The following SNX30 variants were observed in gnomAD, a reference collection of about 807,000 sequenced individuals.
SNX30 encodes the protein sorting nexin family member 30.
In SNX30, 24 loss-of-function variants were observed where a neutral mutation model predicts 46.4. The observed-to-expected ratio is 0.52, with a 90% confidence interval of 0.37 to 0.73. The LOEUF (loss-of-function observed/expected upper bound fraction) is 0.73. Among genes scored for constraint, SNX30 ranks in the 30% least tolerant of loss-of-function variants. The pLI, the probability that SNX30 is intolerant of heterozygous loss-of-function variation, is 0.00. For synonymous variants in SNX30, 189 were observed against 211.5 expected (o/e 0.89, Z 0.92); for missense variants, 533 against 555.7 (o/e 0.96, Z 0.41).
At chr9:112,756,624 C>T (rs1367815156) in intron 1 of SNX30, among the ~76,000 whole-genome samples, 2 of 151,940 alleles carry the variant, frequency 1.3e-5, no homozygotes, top group East Asian at 1.9e-4. Context: ...CCACGCCCAG[C>T]TAATTTTTGT....
At chr9:112,764,994 G>A (rs1334484008) in intron 1 of SNX30, among the ~76,000 whole-genome samples, 1 of 152,144 alleles carries the variant, frequency 6.6e-6, no homozygotes, top group African/African-American at 2.4e-5. Context: ...AAAAGGTCAG[G>A]GAGACCTGGC....
intron 4 of SNX30, among the ~76,000 whole-genome samples, chr9:112,832,214 A>G (rs1840670417): frequency 6.6e-6 from 1 of 151,894 alleles, no homozygotes; most frequent in Non-Finnish European, 1.5e-5. Flanking sequence ...TTTAAAACTA[A>G]GTATTTCCTG....
chr9:112,837,556 A>G (rs949978420), intron 5 of SNX30, among the ~76,000 whole-genome samples: 3 of 151,866 alleles, frequency 2.0e-5, no homozygotes, highest in Admixed American at 6.6e-5. Flanking sequence ...GCTCACTGCA[A>G]GCGCCGCCTC....
At chr9:112,751,837 TG>T (rs1335241989) in intron 1 of SNX30, among the ~76,000 whole-genome samples, 1 of 152,106 alleles carries the variant, frequency 6.6e-6, no homozygotes, top group African/African-American at 2.4e-5. Flanking sequence ...TGACCTTCTT[TG>T]TACGGAGGGA....
At chr9:112,851,398 C>T (rs926880540) in intron 7 of SNX30, among the ~76,000 whole-genome samples, 3 of 152,170 alleles carry the variant, frequency 2.0e-5, no homozygotes, top group East Asian at 1.9e-4. Context: ...TCAAGGCGAG[C>T]GTGTTAAACT....
At chr9:112,815,010 A>G (rs570682972) in intron 2 of SNX30, among the ~76,000 whole-genome samples, 66 of 152,374 alleles carry the variant, frequency 4.3e-4, no homozygotes, top group Admixed American at 9.1e-4. Flanking sequence ...GCTAAAAGAG[A>G]TACAGACAAT....
intron 3 of SNX30, among the ~76,000 whole-genome samples, chr9:112,825,648 C>A (rs1209673252): frequency 6.6e-6 from 1 of 151,746 alleles, no homozygotes; most frequent in Non-Finnish European, 1.5e-5. Context: ...GACATTCTAC[C>A]TGTAAGTCCA....
intron 1 of SNX30, among the ~76,000 whole-genome samples, chr9:112,782,192 G>A (rs11790110): frequency 0.017 from 2,608 of 151,948 alleles, 57 homozygotes; most frequent in East Asian, 0.12. Flanking sequence ...TCAGCCTCCC[G>A]AGTAGCTGGA....
At chr9:112,865,584 A>G (rs1841311707) in intron 8 of SNX30, among the ~76,000 whole-genome samples, 1 of 145,320 alleles carries the variant, frequency 6.9e-6, no homozygotes. Flanking sequence ...GCACTACTGT[A>G]CTCCAACCTG....
At chr9:112,866,118 T>G (rs750718781) in intron 8 of SNX30, among the ~76,000 whole-genome samples, 1 of 152,206 alleles carries the variant, frequency 6.6e-6, no homozygotes. Flanking sequence ...GTGCACTTGC[T>G]GTGTGCAAGG....
At chr9:112,836,181 A>C (rs1199374732) in intron 4 of SNX30, 33 bp from the exon 5 acceptor site, 3 of 1,551,710 alleles carry the variant, frequency 1.9e-6, no homozygotes, top group East Asian at 2.3e-5. Flanking sequence ...TGAGTGAGTG[A>C]GTGCTTTGAG....
At chr9:112,812,898 G>A (rs1281586984) in intron 2 of SNX30, among the ~76,000 whole-genome samples, 1 of 152,098 alleles carries the variant, frequency 6.6e-6, no homozygotes, top group Non-Finnish European at 1.5e-5. Context: ...TATAATCCCA[G>A]CACTTTGGGA....
chr9:112,817,936 T>C (rs1357211983), intron 3 of SNX30, 121 bp downstream of exon 3: 6 of 689,848 alleles, frequency 8.7e-6, no homozygotes, highest in Non-Finnish European at 1.6e-5. Flanking sequence ...ATATAAAACA[T>C]GTTAACGGAC....
exon 6 of SNX30, chr9:112,881,446 G>GA (rs1281328451): frequency 6.6e-6 from 1 of 152,310 alleles, no homozygotes; most frequent in Non-Finnish European, 1.5e-5. Context: ...AGTGGAGAGT[G>GA]AAGACTTGGA....
At chr9:112,761,676 G>A (rs113423720) in intron 1 of SNX30, among the ~76,000 whole-genome samples, 16 of 152,246 alleles carry the variant, frequency 1.1e-4, no homozygotes, top group African/African-American at 3.4e-4. Context: ...CAGTGGTGCC[G>A]TCTTTGAGAG....
intron 4 of SNX30, among the ~76,000 whole-genome samples, 180 bp from the exon 5 acceptor site, chr9:112,836,034 T>C (rs1840745415): frequency 6.6e-6 from 1 of 152,182 alleles, no homozygotes; most frequent in African/African-American, 2.4e-5. Flanking sequence ...GGAGCCTGAG[T>C]CTGGTGGTTA....
intron 3 of SNX30, among the ~76,000 whole-genome samples, chr9:112,823,767 GTTC>G (rs1021217006): frequency 8.6e-5 from 13 of 151,844 alleles, no homozygotes; most frequent in African/African-American, 3.1e-4. Context: ...TTCTAGTTGG[GTTC>G]TTCTTTTTTC....
intron 2 of SNX30, among the ~76,000 whole-genome samples, chr9:112,809,950 G>T (rs995659245): frequency 1.3e-5 from 2 of 152,038 alleles, no homozygotes; most frequent in Non-Finnish European, 2.9e-5. Flanking sequence ...TAGAGAAGAA[G>T]GCATTAGGTT....
intron 1 of SNX30, among the ~76,000 whole-genome samples, chr9:112,780,010 C>T (rs958101245): frequency 1.4e-4 from 22 of 152,224 alleles, no homozygotes; most frequent in African/African-American, 4.1e-4. Flanking sequence ...TGGCCTAGGA[C>T]GGGGCTGACT....
Sources: allele counts gnomAD v4.1 joint callset (sites outside exome capture counted in the v4.1 genomes callset), GRCh38; gene constraint gnomAD v4.1.1; transcripts MANE v1.5; gene names NCBI Gene and HGNC (gene_info 2026-07-23, HGNC 2026-07-21).